Variants in ANGPTL6 observed in about 807,000 individuals in gnomAD.
ANGPTL6 encodes the protein angiopoietin like 6, also known as angiopoietin-related protein 6.
A neutral mutation model predicts 47.4 loss-of-function variants in ANGPTL6; 45 were observed. That is an observed-to-expected ratio of 0.95 (90% confidence interval 0.75 to 1.22). The LOEUF (loss-of-function observed/expected upper bound fraction) is 1.22. Among genes scored for constraint, ANGPTL6 ranks in the 50% most tolerant of loss-of-function variants. The pLI is 0.00. For missense variants in ANGPTL6, 698 were observed against 669.4 expected, an observed-to-expected ratio of 1.04 and a Z score of -0.47; for synonymous variants, 290 against 295.9, an observed-to-expected ratio of 0.98 and a Z score of 0.20.
chr19:10,103,074 A>G (rs952402298), upstream of ANGPTL6, among the ~76,000 whole-genome samples: 1 of 151,908 alleles, frequency 6.6e-6, no homozygotes, highest in African/African-American at 2.4e-5. Flanking sequence ...CCTGAGCTGG[A>G]TTCTGTATGT....
Position 10,092,543 on chromosome 19 carries a change from TG to T in ANGPTL6, c.*45del, listed in dbSNP as rs773559612. ...GTGTGGCCAGAACAACTTGGGCTCC[TG>T]CTGACCAATGTCCTCTAGGGCCTAG... On this transcript the variant is annotated 3_prime_UTR_variant, in exon 6 of 6. Coordinates refer to ENST00000253109, the MANE Select transcript of ANGPTL6 (RefSeq NM_031917.3). 7.7e-6 allele frequency: 12 copies of T among 1,556,862 alleles called. No homozygotes were observed. In the South Asian group the frequency reaches 1.5e-4, roughly 19 times the overall value.
Position 10,096,126 on chromosome 19 carries a change from C to G in ANGPTL6, c.438G>C (p.Ala146=). Residue 146 remains alanine (A), a synonymous_variant, in exon 2 of 6, where the codon GCG becomes GCC. Coordinates refer to ENST00000253109, the MANE Select transcript of ANGPTL6 (RefSeq NM_031917.3). ...LALLGERVLN[A]SAEAQRAAAR... ...CGGCTGCGCGCTGAGCCTCGGCGGACGCGTTGAGCACGCGCTCCCCGAGCA... is the reference window on the plus strand; with the variant it reads ...CGGCTGCGCGCTGAGCCTCGGCGGAGGCGTTGAGCACGCGCTCCCCGAGCA... 1 of 1,448,356 alleles carries G rather than the reference C, an allele frequency of 6.9e-7. No homozygotes were observed. Among genetic ancestry groups the G allele is most frequent in the Non-Finnish European group, 9.1e-7 (1 of 1,101,306 alleles). 89.7% of individuals were successfully genotyped at this position (1,448,356 alleles called of 1,614,324 possible). A position where few individuals can be genotyped will look rare whatever the true frequency, so the allele number is the denominator to read the frequency against.
intron 3 of ANGPTL6, among the ~76,000 whole-genome samples, chr19:10,094,212 T>TCTCGGCTCACTGCAAC (rs2088471198): frequency 6.6e-6 from 1 of 151,972 alleles, no homozygotes; most frequent in African/African-American, 2.4e-5. Context: ...AGTGGTGCGA[T>TCTCGGCTCACTGCAAC]CTCGGCTCAC....
intron 1 of ANGPTL6, among the ~76,000 whole-genome samples, 200 bp from the exon 2 acceptor site, chr19:10,096,773 G>A (rs1199158876): frequency 6.6e-6 from 1 of 152,184 alleles, no homozygotes; most frequent in Non-Finnish European, 1.5e-5. Flanking sequence ...GCGCCAGGCC[G>A]GATAACGCAT....
chr19:10,101,037 T>C (rs1463113633), intron 1 of ANGPTL6, among the ~76,000 whole-genome samples: 2 of 151,520 alleles, frequency 1.3e-5, no homozygotes, highest in East Asian at 3.9e-4. Flanking sequence ...GGCGAAACCC[T>C]GTCTCTACTG....
chr19:10,103,605 A>AAAT (rs1270553198), upstream of ANGPTL6, among the ~76,000 whole-genome samples: 2 of 33,306 alleles, frequency 6.0e-5, no homozygotes, highest in African/African-American at 4.0e-4. Context: ...AAAAATAAAT[A>AAAT]AATAAATAAA....
intron 3 of ANGPTL6, 113 bp from the exon 4 acceptor site, chr19:10,093,993 C>T (rs1307373368): frequency 2.7e-6 from 3 of 1,129,386 alleles, no homozygotes; most frequent in African/African-American, 3.1e-5. Context: ...CTGCCTCTCC[C>T]ACTTTTCTAC....
In ANGPTL6 at chr19:10,093,050, C is replaced by A. The variant is rs898560629; in HGVS notation, c.1223-271G>T. 1.2e-5 allele frequency: 6 copies of A among 491,846 alleles called. No homozygotes were observed. In the East Asian group the frequency reaches 1.9e-4, roughly 15 times the overall value. The allele number at this position is 491,846 out of a possible 1,614,324, so 30.5% of individuals were successfully genotyped here. A position where few individuals can be genotyped will look rare whatever the true frequency, so the allele number is the denominator to read the frequency against. On this transcript the variant is annotated intron_variant, in intron 5 of 5. Coordinates refer to ENST00000253109, the MANE Select transcript of ANGPTL6 (RefSeq NM_031917.3). Reference sequence around the variant, plus strand: ...GCAAACTAGGAGTCTACCGTTCATTCCTTTATCAAAGAAAAGTATCTACTT... The same window carrying A: ...GCAAACTAGGAGTCTACCGTTCATTACTTTATCAAAGAAAAGTATCTACTT...
intron 3 of ANGPTL6, 108 bp downstream of exon 3, chr19:10,094,650 G>C (rs1014677202): frequency 4.2e-5 from 55 of 1,318,510 alleles, no homozygotes; most frequent in Non-Finnish European, 5.6e-5. Flanking sequence ...AATCAGAATA[G>C]GAGTATCATT....
At chr19:10,095,018 A>G (rs1467026481) in intron 2 of ANGPTL6, 80 bp from the exon 3 acceptor site, 5 of 1,378,916 alleles carry the variant, frequency 3.6e-6, no homozygotes, top group Non-Finnish European at 4.8e-6. Context: ...GAAATGGTGG[A>G]TAAATCTCCC....
intron 3 of ANGPTL6, 47 bp from the exon 4 acceptor site, chr19:10,093,927 C>A: frequency 6.3e-7 from 1 of 1,579,986 alleles, no homozygotes; most frequent in African/African-American, 1.3e-5. Flanking sequence ...GCTGACCAAT[C>A]CCTTACTGGA....
In ANGPTL6 at chr19:10,092,423, CG is replaced by C. The variant is rs1291964984; in HGVS notation, c.*165del. Reference sequence around the variant, plus strand: ...GAGCCATCTGAGGCCAAGATATTGACGGGGGGGATTCCTGGGTCCCATTTTC... The same window carrying C: ...GAGCCATCTGAGGCCAAGATATTGACGGGGGGATTCCTGGGTCCCATTTTC... On this transcript the variant is annotated 3_prime_UTR_variant, in exon 6 of 6. Coordinates refer to ENST00000253109, the MANE Select transcript of ANGPTL6 (RefSeq NM_031917.3). 8.6e-6 allele frequency: 13 copies of C among 1,512,168 alleles called. No homozygotes were observed. Among genetic ancestry groups the C allele is most frequent in the Admixed American group, 2.4e-5 (1 of 41,070 alleles). 93.7% of individuals were successfully genotyped at this position (1,512,168 alleles called of 1,614,324 possible).
In ANGPTL6 at chr19:10,093,114, C is replaced by G. The variant is rs1034265961; in HGVS notation, c.1222+235G>C. ...AGAGTACTAGCTCTCACCCTCTGCCCTTTACTTGAACAGGAGTCTTGATTC... is the reference window on the plus strand; with the variant it reads ...AGAGTACTAGCTCTCACCCTCTGCCGTTTACTTGAACAGGAGTCTTGATTC... On this transcript the variant is annotated intron_variant, in intron 5 of 5. Transcript: ENST00000253109. The G allele has an allele frequency of 5.3e-6, 3 of 570,208 alleles. No homozygotes were observed. The African/African-American group carries it at 5.6e-5, about 11-fold the overall frequency. The allele number at this position is 570,208 out of a possible 1,614,324, so 35.3% of individuals were successfully genotyped here. A position where few individuals can be genotyped will look rare whatever the true frequency, so the allele number is the denominator to read the frequency against.
In ANGPTL6 at chr19:10,093,545, G is replaced by T; in HGVS notation, c.1026C>A (p.Asp342Glu). The change falls in exon 5 of 6, where the codon GAC (aspartate) becomes GAA (glutamate). Residue 342 changes from aspartate to glutamate, a missense_variant. By Grantham distance (45) the Asp-to-Glu change is conservative. Coordinates refer to ENST00000253109, the MANE Select transcript of ANGPTL6 (RefSeq NM_031917.3). Reference protein sequence around the residue: ...EPVYQLTSRGDHELLVLLEDW... With the variant: ...EPVYQLTSRGEHELLVLLEDW... ...CCTCCAGGAGAACCAGCAGCTCATG[G>T]TCCCCACGGCTGGTCAGCTGATACA... is the stretch of plus-strand genomic sequence containing the variant. The T allele has an allele frequency of 6.2e-7, 1 of 1,614,108 alleles. No homozygotes were observed. Among genetic ancestry groups the T allele is most frequent in the Non-Finnish European group, 8.5e-7 (1 of 1,180,016 alleles).
chr19:10,096,145 C>A lies in ANGPTL6; in HGVS notation c.419G>T (p.Gly140Val). ...GGCGGACGCGTTGAGCACGCGCTCC[C>A]CGAGCAGCGCCAGCGCCGCGGCAGG... Reference protein sequence around the residue: ...AEPAAALALLGERVLNASAEA... With the variant: ...AEPAAALALLVERVLNASAEA... Residue 140 changes from glycine (G) to valine (V), a missense_variant, in exon 2 of 6, where the codon GGG becomes GTG. Physicochemically the swap from Gly to Val is moderately radical, Grantham distance 109 (BLOSUM62 -3). Transcript: ENST00000253109. 1.5e-6 allele frequency: 2 copies of A among 1,365,858 alleles called. No homozygotes were observed. The highest frequency in any genetic ancestry group is 9.4e-7 in the Non-Finnish European group (1 of 1,058,854). 84.6% of individuals were successfully genotyped at this position (1,365,858 alleles called of 1,614,324 possible).
chr19:10,103,151 G>A (rs949667094), upstream of ANGPTL6, among the ~76,000 whole-genome samples: 3 of 151,828 alleles, frequency 2.0e-5, no homozygotes, highest in African/African-American at 7.2e-5. Context: ...CGGTCACACA[G>A]CCAAAAAGAG....
chr19:10,092,851 C>A (rs1243623689), intron 5 of ANGPTL6, 72 bp from the exon 6 acceptor site: 19 of 1,315,614 alleles, frequency 1.4e-5, no homozygotes, highest in Non-Finnish European at 1.8e-5. Flanking sequence ...CAGTGCAAGG[C>A]TTTTGCCAGG....
upstream of ANGPTL6, among the ~76,000 whole-genome samples, chr19:10,103,609 AAATAAATAAATAAAT>A (rs941236388): frequency 5.7e-4 from 18 of 31,722 alleles, no homozygotes; most frequent in African/African-American, 5.5e-3. Flanking sequence ...ATAAATAAAT[AAATAAATAAATAAAT>A]AATAAATAAA....
At chr19:10,104,387 T>C (rs2088767156), upstream of ANGPTL6, among the ~76,000 whole-genome samples, 2 of 152,018 alleles carry the variant, frequency 1.3e-5, no homozygotes, top group South Asian at 2.1e-4. Context: ...AAGTTCCATG[T>C]AGTGTTGGCA....
Sources: gnomAD v4.1 joint callset for allele counts (sites outside exome capture counted in the v4.1 genomes callset) on GRCh38, gnomAD v4.1.1 for gene constraint, MANE v1.5 for transcripts, NCBI Gene and HGNC (gene_info 2026-07-23, HGNC 2026-07-21) for gene names.